CLEC7A: variants seen among roughly 807,000 people sequenced by gnomAD.
CLEC7A encodes C-type lectin domain containing 7A, also known as C-type lectin domain family 7 member A.
In CLEC7A, 25 loss-of-function variants were observed where a neutral mutation model predicts 26.9. The ratio of observed to expected loss-of-function variants is 0.93; its 90% CI spans 0.68 to 1.30. The LOEUF is 1.30. CLEC7A is among the 50% of genes most tolerant of loss of function. The pLI is 0.00. For missense variants in CLEC7A, 275 were observed against 286.7 expected (o/e 0.96, Z 0.29); for synonymous variants, 100 against 99.5 (o/e 1.01, Z -0.03).
intron 1 of CLEC7A, among the ~76,000 whole-genome samples, chr12:10,128,574 C>T (rs1948384525): frequency 6.6e-6 from 1 of 152,076 alleles, no homozygotes; most frequent in South Asian, 2.1e-4. Context: ...TGACCCTGGG[C>T]AAATTACTCC....
rs1947959579 is a variant in CLEC7A at position 10,117,912 on chromosome 12, A to C, written c.*546T>G. ...CAAGTCAATGGCAGAATGAAAATTC[A>C]AGCTTGGGGCCAGGTGTGGTGGCTC... On this transcript the variant is annotated 3_prime_UTR_variant, in exon 6 of 6. Coordinates refer to ENST00000304084, the MANE Select transcript of CLEC7A (RefSeq NM_197947.3). 1 of 152,544 alleles carries C rather than the reference A, an allele frequency of 6.6e-6. No homozygotes were observed. Among genetic ancestry groups the C allele is most frequent in the Admixed American group, 6.6e-5 (1 of 15,256 alleles). 9.4% of individuals were successfully genotyped at this position (152,544 alleles called of 1,614,324 possible).
chr12:10,120,181 A>G (rs189169172), intron 5 of CLEC7A, among the ~76,000 whole-genome samples: 7 of 152,342 alleles, frequency 4.6e-5, no homozygotes, highest in Admixed American at 3.3e-4. Flanking sequence ...AAAAAGCAAA[A>G]GAAACATATA....
At chr12:10,128,007 T>C (rs1948355039) in intron 1 of CLEC7A, among the ~76,000 whole-genome samples, 162 bp from the exon 2 acceptor site, 1 of 144,942 alleles carries the variant, frequency 6.9e-6, no homozygotes, top group African/African-American at 2.6e-5. Context: ...GGCCAGAAGC[T>C]CAAGACCAGC....
In CLEC7A at chr12:10,119,601, CA is replaced by C. The variant is rs1419882116; in HGVS notation, c.612-1012del. On this transcript the variant is annotated intron_variant, in intron 5 of 5. Transcript: ENST00000304084. ...AAGTACTATAAGAAAGTAGAAAATA[CA>C]TTTGGCTGATAATAAATTCACTGTA... Among the ~76,000 whole-genome samples, 6 of 152,218 alleles carry C rather than the reference CA, an allele frequency of 3.9e-5. 1 individual carries two copies. The highest frequency in any genetic ancestry group is 1.4e-4 in the African/African-American group (6 of 41,536).
chr12:10,126,926 A>AT, intron 2 of CLEC7A: 1 of 812,996 alleles, frequency 1.2e-6, no homozygotes, highest in Non-Finnish European at 1.7e-6. Flanking sequence ...AAAAAAAAAA[A>AT]AGAAAAGAAA....
At chr12:10,127,363 C>A in intron 2 of CLEC7A, 1 of 1,587,612 alleles carries the variant, frequency 6.3e-7, no homozygotes, top group South Asian at 1.1e-5. Flanking sequence ...AGGAAGACAG[C>A]ACCATATTGT....
In CLEC7A at chr12:10,123,294, T is replaced by G. The variant is rs778599643; in HGVS notation, c.562A>C (p.Thr188Pro). 8.7e-6 allele frequency: 14 copies of G among 1,613,656 alleles called. No individual in the cohort carries two copies. Among genetic ancestry groups the G allele is most frequent in the Non-Finnish European group, 1.0e-5 (12 of 1,179,630 alleles). ...SFWIGLSRPQ[T>P]EVPWLWEDGS... ...TCCTCCCAGAGCCATGGTACCTCAG[T>G]CTGGGGCCGAGAAAGGCCTATCCAA... The change falls in exon 5 of 6, where the codon ACT (threonine) becomes CCT (proline). Residue 188 changes from threonine to proline, a missense_variant. Coordinates refer to ENST00000304084, the MANE Select transcript of CLEC7A (RefSeq NM_197947.3).
intron 4 of CLEC7A, among the ~76,000 whole-genome samples, chr12:10,123,841 A>C (rs1243181200): frequency 6.6e-6 from 1 of 151,910 alleles, no homozygotes; most frequent in African/African-American, 2.4e-5. Flanking sequence ...AATGTCATTG[A>C]ATGTCTCAAA....
intron 2 of CLEC7A, chr12:10,126,935 A>G (rs1948309625): frequency 2.2e-6 from 2 of 920,756 alleles, no homozygotes; most frequent in South Asian, 2.2e-5. Context: ...AAAGAAAAGA[A>G]AAAAGAAGGT....
rs144851220 is a variant in CLEC7A at position 10,118,526 on chromosome 12, A to T, written c.676T>A (p.Ser226Thr). 6.8e-6 allele frequency: 11 copies of T among 1,612,698 alleles called. No homozygotes were observed. In the African/African-American group the frequency reaches 1.3e-4, roughly 20 times the overall value. The change falls in exon 6 of 6, where the codon TCA becomes ACA. Residue 226 changes from serine (S) to threonine (T), a missense_variant. Transcript: ENST00000304084. ...PSPNCVWIHV[S>T]VIYDQLCSVP... is the part of the protein sequence containing the mutation. ...CTACACAGTTGGTCATAAATGACTGACACGTGAATCCATACACAATTTGGA... is the reference window on the plus strand; with the variant it reads ...CTACACAGTTGGTCATAAATGACTGTCACGTGAATCCATACACAATTTGGA...
rs1948058007 is a variant in CLEC7A at position 10,120,751 on chromosome 12, CTTTTTCT to C, written c.612-2168_612-2162del. Among the ~76,000 whole-genome samples the C allele has an allele frequency of 3.5e-5, 3 of 85,012 alleles. No homozygotes were observed. The South Asian group carries it at 1.5e-3, about 42-fold the overall frequency. The allele number at this position is 85,012 out of a possible 152,430, so 55.8% of individuals were successfully genotyped here. A position where few individuals can be genotyped will look rare whatever the true frequency, so the allele number is the denominator to read the frequency against. On this transcript the variant is annotated intron_variant, in intron 5 of 5. Coordinates refer to ENST00000304084, the MANE Select transcript of CLEC7A (RefSeq NM_197947.3). The stretch of plus-strand genomic sequence containing the variant: ...CCCAAGGGCTAGTTTTTTCTTTTTT[CTTTTTCT>C]TTTTTTTTTTTTTTAATACTGAGTC...
intron 5 of CLEC7A, among the ~76,000 whole-genome samples, chr12:10,118,795 A>AT (rs909946653): frequency 5.3e-5 from 8 of 151,896 alleles, no homozygotes; most frequent in Non-Finnish European, 1.0e-4. Flanking sequence ...AAACGACTTA[A>AT]TTTTTTTTCA....
At chr12:10,121,776 T>G (rs1389931053) in intron 5 of CLEC7A, among the ~76,000 whole-genome samples, 1 of 151,928 alleles carries the variant, frequency 6.6e-6, no homozygotes, top group African/African-American at 2.4e-5. Context: ...AATAGCAAAT[T>G]TAAAACAAAT....
At chr12:10,120,737 G>T (rs56291766) in intron 5 of CLEC7A, among the ~76,000 whole-genome samples, 19,937 of 139,220 alleles carry the variant, frequency 0.14, 1,763 homozygotes, top group African/African-American at 0.27. Context: ...CCAAGGGCTA[G>T]TTTTTTCTTT....
chr12:10,122,160 G>C (rs1269019875), intron 5 of CLEC7A, among the ~76,000 whole-genome samples: 1 of 151,444 alleles, frequency 6.6e-6, no homozygotes, highest in Non-Finnish European at 1.5e-5. Context: ...CTCCTACTGA[G>C]ACAGATGAAA....
At position 10,125,326 on chromosome 12, in the gene CLEC7A, G is replaced by C. The variant is rs747442135; in HGVS notation, c.463C>G (p.Leu155Val). The change falls in exon 4 of 6, where the codon CTC becomes GTC. Residue 155 changes from leucine (L) to valine (V), a missense_variant. By Grantham distance (32) the Leu-to-Val change is conservative. Coordinates refer to ENST00000304084, the MANE Select transcript of CLEC7A (RefSeq NM_197947.3). ...KRQCWQLGSN[L>V]LKIDSSNELG... ...TCATTTGAGCTGTCTATCTTTAGGAGATTAGAGCCCAGTTGCCAGCATTGT... is the reference window on the plus strand; with the variant it reads ...TCATTTGAGCTGTCTATCTTTAGGACATTAGAGCCCAGTTGCCAGCATTGT... 9 of 1,613,548 alleles carry C rather than the reference G, an allele frequency of 5.6e-6. No homozygotes were observed. The South Asian group carries it at 8.8e-5, about 16-fold the overall frequency.
intron 3 of CLEC7A, 102 bp from the exon 4 acceptor site, chr12:10,125,550 G>C: frequency 1.1e-6 from 1 of 910,294 alleles, no homozygotes; most frequent in Non-Finnish European, 1.5e-6. Flanking sequence ...TAACCAATTA[G>C]TTGCCATTTT....
chr12:10,130,102 A>C lies in CLEC7A; in HGVS notation c.-20T>G, dbSNP rs761746725. 2 of 1,217,102 alleles carry C rather than the reference A, an allele frequency of 1.6e-6. No individual in the cohort carries two copies. Among genetic ancestry groups the C allele is most frequent in the South Asian group, 2.4e-5 (2 of 82,022 alleles). The allele number at this position is 1,217,102 out of a possible 1,614,324, so 75.4% of individuals were successfully genotyped here. A position where few individuals can be genotyped will look rare whatever the true frequency, so the allele number is the denominator to read the frequency against. Reference sequence around the variant, plus strand: ...TTCCATTGTTCTTGAGAGCCCCTGAATAGATATAGCATTTGGGAGCTCTTT... The same window carrying C: ...TTCCATTGTTCTTGAGAGCCCCTGACTAGATATAGCATTTGGGAGCTCTTT... On this transcript the variant is annotated 5_prime_UTR_variant, in exon 1 of 6. Transcript: ENST00000304084.
chr12:10,127,236 G>C, intron 2 of CLEC7A: 9 of 1,313,442 alleles, frequency 6.9e-6, no homozygotes, highest in Non-Finnish European at 9.3e-6. Flanking sequence ...AAGACCAAGT[G>C]CCTCAGGAAA....
Sources: allele counts gnomAD v4.1 joint callset (sites outside exome capture counted in the v4.1 genomes callset), GRCh38; gene constraint gnomAD v4.1.1; transcripts MANE v1.5; gene names NCBI Gene and HGNC (gene_info 2026-07-23, HGNC 2026-07-21).